Variants in MED14 observed in about 807,000 individuals in gnomAD.
The protein encoded by MED14 is mediator of RNA polymerase II transcription subunit 14.
A neutral mutation model predicts 109.0 loss-of-function variants in MED14; 8 were observed. The observed-to-expected ratio is 0.07, with a 90% confidence interval of 0.04 to 0.13. MED14 has a LOEUF of 0.13. Among genes scored for constraint, MED14 ranks in the 10% least tolerant of loss-of-function variants. The pLI, the probability that MED14 is intolerant of heterozygous loss-of-function variation, is 1.00. For missense variants in MED14, 711 were observed against 1,142.4 expected (o/e 0.62, Z 5.44); for synonymous variants, 399 against 408.7 (o/e 0.98, Z 0.29).
rs371490856 is a variant in MED14 at position 40,654,496 on chromosome X, T to C, written c.4159A>G (p.Ile1387Val). ...PQEPVSIIVP[I>V]IYDMASGTTQ... Reference sequence around the variant, plus strand: ...GTACCTGAAGCCATGTCATAAATGATTGGAACTATAATACTAACAGGTTCT... The same window carrying C: ...GTACCTGAAGCCATGTCATAAATGACTGGAACTATAATACTAACAGGTTCT... The change falls in exon 30 of 31, where the codon ATC becomes GTC. Residue 1387 changes from isoleucine (I) to valine (V), a missense_variant. Coordinates refer to ENST00000324817, the MANE Select transcript of MED14 (RefSeq NM_004229.4). 1.4e-5 allele frequency: 17 copies of C among 1,211,373 alleles called. No homozygotes were observed. The highest frequency in any genetic ancestry group is 1.8e-5 in the Non-Finnish European group (16 of 895,339).
intron 3 of MED14, among the ~76,000 whole-genome samples, chrX:40,716,590 A>C (rs1238244877): frequency 1.2e-5 from 1 of 86,914 alleles, no homozygotes; most frequent in Non-Finnish European, 2.1e-5. Context: ...ACCCTGTCTC[A>C]AAAAAAAAAA....
At chrX:40,700,856 C>A (rs1479170314) in intron 12 of MED14, among the ~76,000 whole-genome samples, 3 of 111,986 alleles carry the variant, frequency 2.7e-5, no homozygotes, top group Non-Finnish European at 5.6e-5. Context: ...ACAGAGAACA[C>A]TTGATACAAT....
rs780169995 is a variant in MED14, at chrX:40,680,146, A to C, written c.2611-13T>G. The C allele has an allele frequency of 6.6e-6, 8 of 1,203,693 alleles. No individual in the cohort carries two copies. The highest frequency in any genetic ancestry group is 9.0e-6 in the Non-Finnish European group (8 of 890,252). ...TATCAAACAGTACCTATAAGGAACA[A>C]ACACAGTGAGAGCAGCCAGTTTCTG... is the stretch of plus-strand genomic sequence containing the variant. On this transcript the variant is annotated splice_polypyrimidine_tract_variant and intron_variant, in intron 20 of 30. Transcript: ENST00000324817.
rs1305861232 is a variant in MED14 at position 40,649,303 on chromosome X, C to T, written c.*2503G>A. On this transcript the variant is annotated 3_prime_UTR_variant, in exon 31 of 31. Transcript: ENST00000324817. Reference sequence around the variant, plus strand: ...TTAGTTTATGCTTGCACTTAACTCACTCAGTTAATTTTCAAACATAAGGTT... The same window carrying T: ...TTAGTTTATGCTTGCACTTAACTCATTCAGTTAATTTTCAAACATAAGGTT... 1 of 137,592 alleles carries T rather than the reference C, an allele frequency of 7.3e-6. No homozygotes were observed. The highest frequency in any genetic ancestry group is 1.4e-5 in the Non-Finnish European group (1 of 70,613). 11.3% of individuals were successfully genotyped at this position (137,592 alleles called of 1,213,427 possible). A position where few individuals can be genotyped will look rare whatever the true frequency, so the allele number is the denominator to read the frequency against.
At chrX:40,719,772 T>C (rs1350969931) in intron 3 of MED14, among the ~76,000 whole-genome samples, 1 of 112,055 alleles carries the variant, frequency 8.9e-6, no homozygotes, top group East Asian at 2.8e-4. Context: ...TTGTATACTT[T>C]AAGTGGGTGA....
At chrX:40,684,601 C>T (rs1930234065) in intron 16 of MED14, among the ~76,000 whole-genome samples, 1 of 112,387 alleles carries the variant, frequency 8.9e-6, no homozygotes, top group Non-Finnish European at 1.9e-5. Flanking sequence ...GACTTGCCTG[C>T]CCTTACCCCT....
chrX:40,667,912 C>T (rs997917371), intron 23 of MED14, among the ~76,000 whole-genome samples: 1 of 111,205 alleles, frequency 9.0e-6, no homozygotes, highest in Non-Finnish European at 1.9e-5. Context: ...CAGCATGACT[C>T]GAAGAGCTTC....
At chrX:40,682,091 A>G in intron 18 of MED14, 148 bp from the exon 19 acceptor site, 3 of 350,846 alleles carry the variant, frequency 8.6e-6, no homozygotes, top group Admixed American at 5.4e-5. Flanking sequence ...GCAACAGCAC[A>G]AACAGATAAT....
intron 15 of MED14, among the ~76,000 whole-genome samples, chrX:40,690,507 C>T (rs1930459280): frequency 9.0e-6 from 1 of 111,190 alleles, no homozygotes; most frequent in Non-Finnish European, 1.9e-5. Context: ...CTCCGCCTCC[C>T]AGGTTCAAGC....
In MED14 at chrX:40,685,578, C is replaced by T. The variant is rs777289550; in HGVS notation, c.2058-2582G>A. 2.5e-4 allele frequency among the ~76,000 whole-genome samples: 28 copies of T among 112,282 alleles called. No homozygotes were observed. In the East Asian group the frequency reaches 7.3e-3, roughly 29 times the overall value. On this transcript the variant is annotated intron_variant, in intron 16 of 30. Transcript: ENST00000324817. ...AGAGGACCTTTACTACTGCACATGACTGTGACATGAGTTCAACGAGAAGGT... is the reference window on the plus strand; with the variant it reads ...AGAGGACCTTTACTACTGCACATGATTGTGACATGAGTTCAACGAGAAGGT...
At chrX:40,684,860 A>G (rs997405850) in intron 16 of MED14, among the ~76,000 whole-genome samples, 1 of 112,081 alleles carries the variant, frequency 8.9e-6, no homozygotes, top group African/African-American at 3.2e-5. Context: ...AGTGCACTGT[A>G]TATCACTTTA....
chrX:40,714,758 C>T lies in MED14; in HGVS notation c.349-48G>A, dbSNP rs765700266. Reference sequence around the variant, plus strand: ...ATTAAGCATCCCTGAAAACTATCTCCTTTTCACACTAAATATTGTTAAATC... The same window carrying T: ...ATTAAGCATCCCTGAAAACTATCTCTTTTTCACACTAAATATTGTTAAATC... On this transcript the variant is annotated intron_variant, in intron 3 of 30. Transcript: ENST00000324817. The T allele has an allele frequency of 4.7e-5, 49 of 1,036,471 alleles. No individual in the cohort carries two copies. The South Asian group carries it at 1.1e-3, about 23-fold the overall frequency. 85.4% of individuals were successfully genotyped at this position (1,036,471 alleles called of 1,213,427 possible).
intron 21 of MED14, among the ~76,000 whole-genome samples, chrX:40,675,969 T>A (rs1929895968): frequency 8.9e-6 from 1 of 112,360 alleles, no homozygotes; most frequent in Non-Finnish European, 1.9e-5. Context: ...ATTTGAATCA[T>A]AAGCTTATCA....
Position 40,712,217 on chromosome X carries a change from C to G in MED14, c.858G>C (p.Glu286Asp), listed in dbSNP as rs765928595. The G allele has an allele frequency of 6.6e-6, 8 of 1,206,988 alleles. No homozygotes were observed. The highest frequency in any genetic ancestry group is 9.0e-6 in the Non-Finnish European group (8 of 892,726). The change falls in exon 7 of 31, where the codon GAG becomes GAC. Residue 286 changes from glutamate (E) to aspartate (D), a missense_variant. Transcript: ENST00000324817. The stretch of plus-strand genomic sequence containing the variant: ...AGTTGTACATATCCTGAAGAGGTTT[C>G]TCATCAGCAAAGAGCCTAGACTGCA... ...QLVQSRLFAD[E>D]KPLQDMYNCL...
intron 17 of MED14, 36 bp downstream of exon 17, chrX:40,682,800 G>C: frequency 8.3e-7 from 1 of 1,208,067 alleles, no homozygotes; most frequent in Non-Finnish European, 1.1e-6. Flanking sequence ...AAAAAATCCA[G>C]AAATATGCAA....
At chrX:40,674,746 T>C (rs948501245) in intron 22 of MED14, among the ~76,000 whole-genome samples, 1 of 111,967 alleles carries the variant, frequency 8.9e-6, no homozygotes, top group Non-Finnish European at 1.9e-5. Context: ...CTCAGACATG[T>C]GAAGGTGACA....
intron 15 of MED14, among the ~76,000 whole-genome samples, chrX:40,690,450 C>T (rs1271272902): frequency 1.8e-5 from 2 of 111,338 alleles, no homozygotes; most frequent in Non-Finnish European, 3.8e-5. Flanking sequence ...GAAGGAGTCT[C>T]GCTCTGTCAC....
At position 40,651,824 on chromosome X, in the gene MED14, G is replaced by A. The variant is rs1445041367; in HGVS notation, c.4347C>T (p.Pro1449=). 2.5e-6 allele frequency: 3 copies of A among 1,193,567 alleles called. No homozygotes were observed. The highest frequency in any genetic ancestry group is 3.4e-6 in the Non-Finnish European group (3 of 887,628). Reference sequence around the variant, plus strand: ...ATAGTGTCTATGGACGCCCACCAGGGGGCAGTGTAAGATTAGCCATTAAAT... The same window carrying A: ...ATAGTGTCTATGGACGCCCACCAGGAGGCAGTGTAAGATTAGCCATTAAAT... ...VRDLMANLTL[P]PGGRP is the part of the protein sequence containing the mutation. Residue 1449 remains proline, a synonymous_variant, in exon 31 of 31, where the codon CCC becomes CCT. Coordinates refer to ENST00000324817, the MANE Select transcript of MED14 (RefSeq NM_004229.4).
At chrX:40,669,530 T>A (rs765283763) in intron 23 of MED14, among the ~76,000 whole-genome samples, 35 of 111,886 alleles carry the variant, frequency 3.1e-4, no homozygotes, top group African/African-American at 9.7e-4. Context: ...GACTTAGTAA[T>A]CTCTGGGGAC....
Sources: gnomAD v4.1 joint callset for allele counts (sites outside exome capture counted in the v4.1 genomes callset) on GRCh38, gnomAD v4.1.1 for gene constraint, MANE v1.5 for transcripts, NCBI Gene and HGNC (gene_info 2026-07-23, HGNC 2026-07-21) for gene names.